WWTR1: variants seen among roughly 807,000 people sequenced by gnomAD.
The protein encoded by WWTR1 is WW domain-containing transcription regulator protein 1.
Under a neutral mutation model 40.1 loss-of-function variants are expected in WWTR1, and 13 were observed. The observed-to-expected ratio is 0.32, with a 90% confidence interval of 0.21 to 0.52. The LOEUF (loss-of-function observed/expected upper bound fraction) is 0.52, where lower values mean the gene tolerates loss of function less well. Ranked by LOEUF, WWTR1 falls within the 20% of genes least tolerant of loss-of-function variation. WWTR1 has a pLI of 0.97. For synonymous variants in WWTR1, 230 were observed against 210.1 expected (o/e 1.09, Z -0.82); for missense variants, 436 against 523.1 (o/e 0.83, Z 1.63).
intron 3 of WWTR1, among the ~76,000 whole-genome samples, chr3:149,559,319 GAAAAGAA>G (rs1736988663): frequency 7.2e-6 from 1 of 139,148 alleles, no homozygotes; most frequent in Admixed American, 7.1e-5. Context: ...AAAAAGAAAA[GAAAAGAA>G]AAAAGAAAAA....
chr3:149,560,915 T>C (rs532449011), intron 3 of WWTR1, among the ~76,000 whole-genome samples: 14 of 151,550 alleles, frequency 9.2e-5, no homozygotes, highest in African/African-American at 3.4e-4. Context: ...AAAAATACAC[T>C]TTTTGTGGTA....
At position 149,559,469 on chromosome 3, in the gene WWTR1, G is replaced by A. The variant is rs531017563; in HGVS notation, c.568+13395C>T. Reference sequence around the variant, plus strand: ...GATGGATAGATGGATAGATGCAACCGTGGCTATGTTTATAAGCAAACAATT... The same window carrying A: ...GATGGATAGATGGATAGATGCAACCATGGCTATGTTTATAAGCAAACAATT... On this transcript the variant is annotated intron_variant, in intron 3 of 6. Coordinates refer to ENST00000360632, the MANE Select transcript of WWTR1 (RefSeq NM_015472.6). Among the ~76,000 whole-genome samples, 13 of 152,162 alleles carry A rather than the reference G, an allele frequency of 8.5e-5. No homozygotes were observed. The East Asian group carries it at 1.9e-3, about 23-fold the overall frequency.
At chr3:149,560,770 A>G (rs1737046799) in intron 3 of WWTR1, among the ~76,000 whole-genome samples, 1 of 152,170 alleles carries the variant, frequency 6.6e-6, no homozygotes, top group Admixed American at 6.5e-5. Context: ...GGACGAAAAT[A>G]ATATGGAATG....
intron 6 of WWTR1, among the ~76,000 whole-genome samples, chr3:149,523,800 A>G (rs1164050057): frequency 1.3e-5 from 2 of 151,960 alleles, no homozygotes; most frequent in Non-Finnish European, 2.9e-5. Flanking sequence ...AGCTTCCCTC[A>G]TTTTGCTACT....
chr3:149,528,070 T>G (rs969226676), intron 4 of WWTR1, 101 bp from the exon 5 acceptor site: 13 of 1,429,986 alleles, frequency 9.1e-6, no homozygotes, highest in African/African-American at 1.4e-5. Flanking sequence ...CAAAGCACTG[T>G]GTATTTACTC....
intron 1 of WWTR1, among the ~76,000 whole-genome samples, chr3:149,677,158 C>T (rs564223498): frequency 4.6e-5 from 7 of 152,142 alleles, no homozygotes; most frequent in East Asian, 1.9e-4. Context: ...TCAGGTCATC[C>T]GCCCATCTCA....
chr3:149,629,183 A>G (rs1711499734), intron 2 of WWTR1, among the ~76,000 whole-genome samples: 2 of 152,164 alleles, frequency 1.3e-5, no homozygotes, highest in African/African-American at 4.8e-5. Flanking sequence ...TTATTTCCCA[A>G]CTCCTACTGG....
chr3:149,697,652 T>C (rs1274104352), intron 1 of WWTR1, among the ~76,000 whole-genome samples: 1 of 152,164 alleles, frequency 6.6e-6, no homozygotes, highest in Non-Finnish European at 1.5e-5. Context: ...CTCATGTCCT[T>C]CTCACATTTC....
At chr3:149,573,574 C>T (rs1435726666) in intron 2 of WWTR1, among the ~76,000 whole-genome samples, 1 of 152,168 alleles carries the variant, frequency 6.6e-6, no homozygotes, top group African/African-American at 2.4e-5. Context: ...TCAAGAAGCT[C>T]ACTGTCACCA....
rs1463356212 is a variant in WWTR1 at position 149,689,324 on chromosome 3, T to C, written c.-108+13800A>G. On this transcript the variant is annotated intron_variant, in intron 1 of 7. Coordinates refer to the WWTR1 transcript ENST00000465804. ...TGAGCCCAGGAGGTGGAGGTTGCAG[T>C]GAGCTGAGATCATGCCACTGCACTC... 1.7e-4 allele frequency among the ~76,000 whole-genome samples: 22 copies of C among 130,632 alleles called. No individual in the cohort carries two copies. The Admixed American group carries it at 2.2e-3, about 13-fold the overall frequency. 85.7% of individuals were successfully genotyped at this position (130,632 alleles called of 152,430 possible).
intron 2 of WWTR1, among the ~76,000 whole-genome samples, chr3:149,601,673 A>G (rs1032193740): frequency 6.6e-6 from 1 of 152,076 alleles, no homozygotes; most frequent in African/African-American, 2.4e-5. Flanking sequence ...AAGTCCTTGT[A>G]AACAAAGCTA....
Position 149,552,339 on chromosome 3 carries a change from A to AGGGAATG in WWTR1, c.569-9803_569-9802insCATTCCC, listed in dbSNP as rs1440155033. ...AAGGCACAGAGTAGGCACTAAATACATTCTCCCCAAAGTAAGGTTAAGGGA... is the reference window on the plus strand; with the variant it reads ...AAGGCACAGAGTAGGCACTAAATACAGGGAATGTTCTCCCCAAAGTAAGGTTAAGGGA... On this transcript the variant is annotated intron_variant, in intron 3 of 6. Transcript: ENST00000360632. Among the ~76,000 whole-genome samples the AGGGAATG allele has an allele frequency of 1.1e-4, 12 of 109,152 alleles. 1 individual carries two copies. The highest frequency in any genetic ancestry group is 5.7e-4 in the East Asian group (2 of 3,480). The allele number at this position is 109,152 out of a possible 152,430, so 71.6% of individuals were successfully genotyped here. A position where few individuals can be genotyped will look rare whatever the true frequency, so the allele number is the denominator to read the frequency against.
At chr3:149,560,430 C>A (rs1010023270) in intron 3 of WWTR1, among the ~76,000 whole-genome samples, 1 of 152,216 alleles carries the variant, frequency 6.6e-6, no homozygotes, top group African/African-American at 2.4e-5. Flanking sequence ...TGTCCAGAAA[C>A]CTCCAGCATG....
At chr3:149,546,672 G>A (rs988768931) in intron 3 of WWTR1, among the ~76,000 whole-genome samples, 18 of 152,250 alleles carry the variant, frequency 1.2e-4, no homozygotes, top group African/African-American at 4.3e-4. Context: ...TAAAACATAA[G>A]TGAAAATAAA....
chr3:149,584,539 G>A (rs1738320161), intron 2 of WWTR1, among the ~76,000 whole-genome samples: 1 of 152,120 alleles, frequency 6.6e-6, no homozygotes, highest in Non-Finnish European at 1.5e-5. Flanking sequence ...GAAATTATTT[G>A]GAGGATCAAA....
chr3:149,582,145 T>C (rs1738176740), intron 2 of WWTR1, among the ~76,000 whole-genome samples: 1 of 152,116 alleles, frequency 6.6e-6, no homozygotes, highest in African/African-American at 2.4e-5. Flanking sequence ...AACAGTTCAG[T>C]CACTGTGTTA....
chr3:149,557,632 A>AT lies in WWTR1; in HGVS notation c.569-15096dup, dbSNP rs113299302. Among the ~76,000 whole-genome samples the AT allele has an allele frequency of 3.2e-3, 487 of 152,154 alleles. 1 individual carries two copies. The highest frequency in any genetic ancestry group is 0.011 in the African/African-American group (458 of 41,512). On this transcript the variant is annotated intron_variant, in intron 3 of 6. Transcript: ENST00000360632. Reference sequence around the variant, plus strand: ...AACCACACAAGGCCCCATGGTATGCATTTTTTCCCTGGCTTTTTTTCTCAG... The same window carrying AT: ...AACCACACAAGGCCCCATGGTATGCATTTTTTTCCCTGGCTTTTTTTCTCAG...
At position 149,543,210 on chromosome 3, in the gene WWTR1, C is replaced by T. The variant is rs181659645; in HGVS notation, c.569-673G>A. 5.3e-5 allele frequency among the ~76,000 whole-genome samples: 8 copies of T among 152,268 alleles called. No homozygotes were observed. In the East Asian group the frequency reaches 5.8e-4, roughly 11 times the overall value. ...GCTAAACATGTTGTGCCTGGATAAA[C>T]GCATGAGAAATATTTTCAATTTTTT... On this transcript the variant is annotated intron_variant, in intron 3 of 6. Transcript: ENST00000360632.
At chr3:149,601,292 G>A (rs1488319503) in intron 2 of WWTR1, among the ~76,000 whole-genome samples, 1 of 152,080 alleles carries the variant, frequency 6.6e-6, no homozygotes, top group Non-Finnish European at 1.5e-5. Context: ...CCAGGTTCAA[G>A]CAATACTAGT....
Sources: allele counts gnomAD v4.1 joint callset (sites outside exome capture counted in the v4.1 genomes callset), GRCh38; gene constraint gnomAD v4.1.1; transcripts MANE v1.5; gene names NCBI Gene and HGNC (gene_info 2026-07-23, HGNC 2026-07-21).